Variants in OSBPL9 observed in about 807,000 individuals in gnomAD.
The protein encoded by OSBPL9 is oxysterol-binding protein-related protein 9.
In OSBPL9, 40 loss-of-function variants were observed where a neutral mutation model predicts 106.6. The observed-to-expected ratio is 0.38, with a 90% CI of 0.29 to 0.49. The LOEUF (loss-of-function observed/expected upper bound fraction) is 0.49. OSBPL9 is among the 20% of genes least tolerant of loss of function. The pLI is 0.97. For missense variants in OSBPL9, 609 were observed against 887.2 expected (o/e 0.69, Z 3.98); for synonymous variants, 269 against 295.4 (o/e 0.91, Z 0.92).
chr1:51,567,722 C>A, the OSBPL9 span: 1 of 152,126 alleles, frequency 6.6e-6, no homozygotes, highest in Non-Finnish European at 1.5e-5. Context: ...CATCTCCTTC[C>A]CCCTTGGCTG....
the OSBPL9 span, among the ~76,000 whole-genome samples, chr1:51,568,215 G>C: frequency 1.3e-5 from 2 of 152,178 alleles, no homozygotes; most frequent in East Asian, 3.8e-4. Flanking sequence ...TTCCATCTCT[G>C]ATCTCCCAGG....
At chr1:51,608,820 C>T (rs2148605574) in intron 2 of OSBPL9, among the ~76,000 whole-genome samples, 1 of 152,182 alleles carries the variant, frequency 6.6e-6, no homozygotes, top group African/African-American at 2.4e-5. Flanking sequence ...TGATGCACCT[C>T]CTGTGTTCCT....
At chr1:51,530,707 T>C in the OSBPL9 span, among the ~76,000 whole-genome samples, 2 of 141,118 alleles carry the variant, frequency 1.4e-5, no homozygotes, top group South Asian at 2.3e-4. Flanking sequence ...TAAAAAAAAT[T>C]AAAATTATGG....
intron 18 of OSBPL9, 113 bp downstream of exon 18, chr1:51,784,138 G>T: frequency 7.2e-7 from 1 of 1,382,556 alleles, no homozygotes; most frequent in Non-Finnish European, 1.0e-6. Context: ...TGAGAGCAAA[G>T]GGTGGGGAAC....
At chr1:51,558,991 A>G in the OSBPL9 span, among the ~76,000 whole-genome samples, 1 of 152,190 alleles carries the variant, frequency 6.6e-6, no homozygotes, top group African/African-American at 2.4e-5. Flanking sequence ...AACAACAACA[A>G]CTAAAAACAA....
intron 4 of OSBPL9, among the ~76,000 whole-genome samples, chr1:51,715,889 C>T (rs1440642417): frequency 6.6e-6 from 1 of 152,174 alleles, no homozygotes; most frequent in Non-Finnish European, 1.5e-5. Context: ...CCTCTGCCGA[C>T]TGGCCTTTCC....
At chr1:51,630,007 A>G (rs572650827) in intron 1 of OSBPL9, among the ~76,000 whole-genome samples, 1 of 152,032 alleles carries the variant, frequency 6.6e-6, no homozygotes, top group Admixed American at 6.6e-5. Flanking sequence ...GATTACCCCA[A>G]CCCCCTAATG....
At chr1:51,692,983 T>G (rs1367091259) in intron 3 of OSBPL9, among the ~76,000 whole-genome samples, 2 of 152,124 alleles carry the variant, frequency 1.3e-5, no homozygotes, top group African/African-American at 2.4e-5. Flanking sequence ...TTAGAAGAGT[T>G]CATTGAGAAG....
chr1:51,776,982 T>C, intron 15 of OSBPL9, 64 bp downstream of exon 15: 2 of 1,253,594 alleles, frequency 1.6e-6, no homozygotes, highest in Non-Finnish European at 2.3e-6. Context: ...TTCTGCCTTT[T>C]ATTTTGCAGG....
At chr1:51,656,617 T>C (rs1292535620) in intron 2 of OSBPL9, among the ~76,000 whole-genome samples, 1 of 150,866 alleles carries the variant, frequency 6.6e-6, no homozygotes, top group African/African-American at 2.4e-5. Flanking sequence ...ATCCTCTACA[T>C]TTTTTTTTCC....
At chr1:51,575,114 G>A (rs756696220), upstream of OSBPL9, among the ~76,000 whole-genome samples, 5 of 152,212 alleles carry the variant, frequency 3.3e-5, no homozygotes, top group Non-Finnish European at 5.9e-5. Context: ...AGCTGGAAGA[G>A]GCCTTCAGGG....
intron 2 of OSBPL9, among the ~76,000 whole-genome samples, chr1:51,658,294 C>A (rs1007137025): frequency 6.6e-6 from 1 of 151,958 alleles, no homozygotes; most frequent in African/African-American, 2.4e-5. Context: ...GTTGTGAGTA[C>A]CAGATTAGTT....
intron 2 of OSBPL9, among the ~76,000 whole-genome samples, chr1:51,606,998 CGAGATCGCGCCACT>C (rs777129396): frequency 2.6e-3 from 395 of 151,220 alleles, no homozygotes; most frequent in Admixed American, 5.5e-3. Context: ...TGCAGTGAGC[CGAGATCGCGCCACT>C]GCACTCCAGC....
chr1:51,593,043 T>C (rs917047388), intron 1 of OSBPL9, among the ~76,000 whole-genome samples: 3 of 152,156 alleles, frequency 2.0e-5, no homozygotes, highest in African/African-American at 7.2e-5. Flanking sequence ...AAAAGGATTG[T>C]GCTTTGTTAC....
At chr1:51,757,884 C>T (rs1424350266) in intron 9 of OSBPL9, among the ~76,000 whole-genome samples, 2 of 152,052 alleles carry the variant, frequency 1.3e-5, no homozygotes, top group African/African-American at 4.8e-5. Context: ...AGAACAAGCG[C>T]ATAGTATTCA....
At chr1:51,633,094 T>C (rs1270073722) in intron 1 of OSBPL9, among the ~76,000 whole-genome samples, 1 of 151,988 alleles carries the variant, frequency 6.6e-6, no homozygotes, top group Non-Finnish European at 1.5e-5. Context: ...GTAGCTGGAA[T>C]TACAGGTGTT....
At chr1:51,723,700 T>C (rs1159917939) in intron 4 of OSBPL9, among the ~76,000 whole-genome samples, 1 of 152,036 alleles carries the variant, frequency 6.6e-6, no homozygotes, top group Non-Finnish European at 1.5e-5. Context: ...GCTCCAGTCA[T>C]TTTAGTGCTG....
the OSBPL9 span, among the ~76,000 whole-genome samples, chr1:51,568,971 C>T: frequency 2.0e-5 from 3 of 152,292 alleles, no homozygotes; most frequent in African/African-American, 7.2e-5. Flanking sequence ...CCTCAGCCCC[C>T]CGCCACCCAG....
At chr1:51,740,238 C>G (rs374850241) in intron 4 of OSBPL9, 32 of 1,499,268 alleles carry the variant, frequency 2.1e-5, no homozygotes, top group Non-Finnish European at 2.8e-5. Context: ...TAAGTATGCT[C>G]TATACTTCTT....
Sources: gnomAD v4.1 joint callset for allele counts (sites outside exome capture counted in the v4.1 genomes callset) on GRCh38, gnomAD v4.1.1 for gene constraint, MANE v1.5 for transcripts, NCBI Gene and HGNC (gene_info 2026-07-23, HGNC 2026-07-21) for gene names.